Variants in COX19 observed in about 807,000 individuals in gnomAD.
The protein encoded by COX19 is cytochrome c oxidase assembly factor COX19, also known as cytochrome c oxidase assembly protein COX19.
In COX19, 8 loss-of-function variants were observed where a neutral mutation model predicts 6.8. The ratio of observed to expected loss-of-function variants is 1.18; its 90% CI spans 0.69 to 2.12. COX19 has a LOEUF of 2.12. Ranked by LOEUF, COX19 falls within the 30% of genes most tolerant of loss-of-function variation. The probability of loss-of-function intolerance (pLI) is 0.00; values close to 1 mark genes in which losing one functional copy is unlikely to be tolerated. For missense variants in COX19, 131 were observed against 104.6 expected (o/e 1.25, Z -1.10); for synonymous variants, 51 against 38.0 (o/e 1.34, Z -1.26).
Position 967,786 on chromosome 7 carries a change from T to C in COX19, c.*1592A>G, listed in dbSNP as rs1051062515. ...CAGCTCCTCCTTCTGGATTTCTCGT[T>C]TGTAGTTTCCTGTGTCCCTGCCTGT... On this transcript the variant is annotated 3_prime_UTR_variant, in exon 3 of 3. Transcript: ENST00000344111. 16 of 152,482 alleles carry C rather than the reference T, an allele frequency of 1.0e-4. No homozygotes were observed. Among genetic ancestry groups the C allele is most frequent in the African/African-American group, 3.8e-4 (16 of 41,604 alleles). 9.4% of individuals were successfully genotyped at this position (152,482 alleles called of 1,614,324 possible).
At chr7:974,833 T>A (rs776124640) in intron 1 of COX19, 3 of 152,236 alleles carry the variant, frequency 2.0e-5, no homozygotes, top group African/African-American at 4.8e-5. Context: ...AATTTTTGTA[T>A]TTTTAGTAGA....
rs1847528819 is a variant in COX19 at position 964,910 on chromosome 7, A to T, written c.*4468T>A. On this transcript the variant is annotated 3_prime_UTR_variant, in exon 3 of 3. Coordinates refer to ENST00000344111, the MANE Select transcript of COX19 (RefSeq NM_001031617.3). ...CTTATCATGACAAGCGTCTATGAGA[A>T]ATAAAATGCATTCTGCACATGACAG... 6.6e-6 allele frequency among the ~76,000 whole-genome samples: 1 copy of T among 152,262 alleles called. No homozygotes were observed. The highest frequency in any genetic ancestry group is 2.1e-4 in the South Asian group (1 of 4,836).
intron 2 of COX19, among the ~76,000 whole-genome samples, chr7:970,119 T>G (rs1390931010): frequency 1.3e-5 from 2 of 151,994 alleles, no homozygotes; most frequent in African/African-American, 4.8e-5. Flanking sequence ...TGCAGGTGTA[T>G]GCCACCATGC....
In COX19 at chr7:965,825, G is replaced by A. The variant is rs530555088; in HGVS notation, c.*3553C>T. On this transcript the variant is annotated 3_prime_UTR_variant, in exon 3 of 3. Coordinates refer to ENST00000344111, the MANE Select transcript of COX19 (RefSeq NM_001031617.3). Reference sequence around the variant, plus strand: ...AGCTAATTTTTGTATTTTTAGTAGAGACAGGGTTTCTCCATGTTGGCCAGG... The same window carrying A: ...AGCTAATTTTTGTATTTTTAGTAGAAACAGGGTTTCTCCATGTTGGCCAGG... Among the ~76,000 whole-genome samples the A allele has an allele frequency of 6.6e-6, 1 of 152,316 alleles. No individual in the cohort carries two copies. The highest frequency in any genetic ancestry group is 1.9e-4 in the East Asian group (1 of 5,180).
At chr7:969,509 G>A (rs1252904056) in intron 2 of COX19, 53 bp from the exon 3 acceptor site, 4 of 1,209,238 alleles carry the variant, frequency 3.3e-6, no homozygotes, top group Non-Finnish European at 4.8e-6. Context: ...AGGACAAGAG[G>A]GGCCCTTGCA....
rs1847600960 is a variant in COX19, at chr7:969,174, CAG to C, written c.*202_*203del. The C allele has an allele frequency of 8.8e-6, 5 of 565,524 alleles. No individual in the cohort carries two copies. The highest frequency in any genetic ancestry group is 1.3e-5 in the Non-Finnish European group (4 of 318,600). The allele number at this position is 565,524 out of a possible 1,614,324, so 35.0% of individuals were successfully genotyped here. ...GCTTTGCCGGGAACGCCGTCCCACT[CAG>C]GGGTTCAATGCAGAAACACCCTCCT... On this transcript the variant is annotated 3_prime_UTR_variant, in exon 3 of 3. Transcript: ENST00000344111.
In COX19 at chr7:967,245, C is replaced by G. The variant is rs566211399; in HGVS notation, c.*2133G>C. ...GCGCCTGGACAGGATTCGGGACTAT[C>G]CGCGGCTTCGGCACCTGCTGGGGTC... On this transcript the variant is annotated 3_prime_UTR_variant, in exon 3 of 3. Transcript: ENST00000344111. 3 of 152,204 alleles carry G rather than the reference C, an allele frequency of 2.0e-5. No individual in the cohort carries two copies. The highest frequency in any genetic ancestry group is 7.2e-5 in the African/African-American group (3 of 41,440). The allele number at this position is 152,204 out of a possible 1,614,324, so 9.4% of individuals were successfully genotyped here.
At chr7:973,569 G>A (rs532858214) in intron 1 of COX19, among the ~76,000 whole-genome samples, 70 of 152,330 alleles carry the variant, frequency 4.6e-4, no homozygotes, top group Non-Finnish European at 8.1e-4. Flanking sequence ...TACTCAGGAG[G>A]CTGAGGCAGG....
chr7:969,361 G>A lies in COX19; in HGVS notation c.*17C>T. On this transcript the variant is annotated 3_prime_UTR_variant, in exon 3 of 3. Coordinates refer to ENST00000344111, the MANE Select transcript of COX19 (RefSeq NM_001031617.3). ...GAGAGACCACTGAACACGGCCCAGG[G>A]GTCTTCTCATCAAAATTCATTTTTT... is the stretch of plus-strand genomic sequence containing the variant. 6.5e-7 allele frequency: 1 copy of A among 1,538,532 alleles called. No individual in the cohort carries two copies. The highest frequency in any genetic ancestry group is 9.0e-7 in the Non-Finnish European group (1 of 1,111,174).
chr7:969,085 G>A lies in COX19; in HGVS notation c.*293C>T, dbSNP rs542525195. The A allele has an allele frequency of 6.3e-5, 21 of 334,854 alleles. No individual in the cohort carries two copies. Among genetic ancestry groups the A allele is most frequent in the African/African-American group, 3.2e-4 (15 of 46,900 alleles). 20.7% of individuals were successfully genotyped at this position (334,854 alleles called of 1,614,324 possible). A position where few individuals can be genotyped will look rare whatever the true frequency, so the allele number is the denominator to read the frequency against. ...TATCAGAGGACTGCAACATAAAACC[G>A]CCCCATACAAGAGGGCCCCGGCCTC... On this transcript the variant is annotated 3_prime_UTR_variant, in exon 3 of 3. Coordinates refer to ENST00000344111, the MANE Select transcript of COX19 (RefSeq NM_001031617.3).
chr7:973,217 T>A lies in COX19; in HGVS notation c.158A>T (p.Lys53Met), dbSNP rs779327518. 2 of 1,605,718 alleles carry A rather than the reference T, an allele frequency of 1.2e-6. No individual in the cohort carries two copies. Among genetic ancestry groups the A allele is most frequent in the Admixed American group, 1.7e-5 (1 of 58,552 alleles). Residue 53 changes from lysine to methionine, a missense_variant, in exon 2 of 3, where the codon AAG becomes ATG. Lys to Met is a moderately conservative substitution (Grantham distance 95). Coordinates refer to ENST00000344111, the MANE Select transcript of COX19 (RefSeq NM_001031617.3). ...NNNFENALCR[K>M]ESKEYLECRM... is the part of the protein sequence containing the mutation. ...GCATTCTAAATATTCTTTTGATTCC[T>A]TTCTGCACAAAGCATTTTCAAAATT...
chr7:975,153 C>A (rs1323180704), intron 1 of COX19: 1 of 391,952 alleles, frequency 2.6e-6, no homozygotes, highest in Non-Finnish European at 4.6e-6. Flanking sequence ...GACAGCCCGC[C>A]GGGTGAGTCA....
intron 1 of COX19, among the ~76,000 whole-genome samples, chr7:974,211 A>G (rs1847672271): frequency 6.7e-6 from 1 of 149,632 alleles, no homozygotes; most frequent in Admixed American, 6.7e-5. Context: ...ATAAATAAAT[A>G]AATAATCCAG....
Position 969,321 on chromosome 7 carries a change from G to A in COX19, c.*57C>T. On this transcript the variant is annotated 3_prime_UTR_variant, in exon 3 of 3. Transcript: ENST00000344111. ...CCTCAGCCAACCTAAGAGGCAGGAT[G>A]ATGCCCTCCGTCCTGAGAGACCACT... 9.1e-7 allele frequency: 1 copy of A among 1,093,114 alleles called. No homozygotes were observed. The highest frequency in any genetic ancestry group is 1.4e-6 in the Non-Finnish European group (1 of 706,568). 67.7% of individuals were successfully genotyped at this position (1,093,114 alleles called of 1,614,324 possible).
Position 969,452 on chromosome 7 carries a change from A to AT in COX19, c.198dup (p.Leu67IlefsTer17), listed in dbSNP as rs752455693. 5 of 1,603,168 alleles carry AT rather than the reference A, an allele frequency of 3.1e-6. No individual in the cohort carries two copies. The African/African-American group carries it at 6.7e-5, about 21-fold the overall frequency. On this transcript the variant is annotated frameshift_variant, in exon 3 of 3. Transcript: ENST00000344111. LOFTEE classifies it high-confidence loss of function. ...TTCTCCAATGGTTCTTGTAGCATCA[A>AT]TTTTCTAAAAGAAAAAGAGAAAGCT...
rs1847603052 is a variant in COX19 at position 969,312 on chromosome 7, A to G, written c.*66T>C. Reference sequence around the variant, plus strand: ...ACACGCAGGCCTCAGCCAACCTAAGAGGCAGGATGATGCCCTCCGTCCTGA... The same window carrying G: ...ACACGCAGGCCTCAGCCAACCTAAGGGGCAGGATGATGCCCTCCGTCCTGA... On this transcript the variant is annotated 3_prime_UTR_variant, in exon 3 of 3. Transcript: ENST00000344111. The G allele has an allele frequency of 1.1e-5, 11 of 1,007,968 alleles. No individual in the cohort carries two copies. In the South Asian group the frequency reaches 1.1e-4, roughly 11 times the overall value. 62.4% of individuals were successfully genotyped at this position (1,007,968 alleles called of 1,614,324 possible).
chr7:969,302 C>A lies in COX19; in HGVS notation c.*76G>T. The A allele has an allele frequency of 2.1e-6, 2 of 945,402 alleles. 1 individual carries two copies. Among genetic ancestry groups the A allele is most frequent in the South Asian group, 2.6e-5 (2 of 75,958 alleles). 58.6% of individuals were successfully genotyped at this position (945,402 alleles called of 1,614,324 possible). A position where few individuals can be genotyped will look rare whatever the true frequency, so the allele number is the denominator to read the frequency against. ...TAAGGACACCACACGCAGGCCTCAG[C>A]CAACCTAAGAGGCAGGATGATGCCC... On this transcript the variant is annotated 3_prime_UTR_variant, in exon 3 of 3. Coordinates refer to ENST00000344111, the MANE Select transcript of COX19 (RefSeq NM_001031617.3).
In COX19 at chr7:969,493, G is replaced by A. The variant is rs780949531; in HGVS notation, c.195-37C>T. On this transcript the variant is annotated intron_variant, in intron 2 of 2. Transcript: ENST00000344111. Reference sequence around the variant, plus strand: ...AGAGAAAGCTGTCAGGGCGGGAGGTGCAGAGAGGACAAGAGGGGCCCTTGC... The same window carrying A: ...AGAGAAAGCTGTCAGGGCGGGAGGTACAGAGAGGACAAGAGGGGCCCTTGC... 8 of 1,394,910 alleles carry A rather than the reference G, an allele frequency of 5.7e-6. No homozygotes were observed. In the South Asian group the frequency reaches 6.9e-5, roughly 12 times the overall value. The allele number at this position is 1,394,910 out of a possible 1,614,324, so 86.4% of individuals were successfully genotyped here.
chr7:973,147 G>A, intron 2 of COX19, 34 bp downstream of exon 2: 1 of 1,415,992 alleles, frequency 7.1e-7, no homozygotes, highest in Non-Finnish European at 9.4e-7. Flanking sequence ...TGGAGTAGTG[G>A]GAGGTGGAAA....
Sources: gnomAD v4.1 joint callset for allele counts (sites outside exome capture counted in the v4.1 genomes callset) on GRCh38, gnomAD v4.1.1 for gene constraint, MANE v1.5 for transcripts, NCBI Gene and HGNC (gene_info 2026-07-23, HGNC 2026-07-21) for gene names.